Variants in C6orf141 observed in about 807,000 individuals in gnomAD.
The protein encoded by C6orf141 is chromosome 6 open reading frame 141, also known as uncharacterized protein C6orf141.
For missense variants in C6orf141, 361 were observed against 335.8 expected, an observed-to-expected ratio of 1.07 and a Z score of -0.59; for synonymous variants, 164 against 140.5, an observed-to-expected ratio of 1.17 and a Z score of -1.18.
chr6:49,551,095 T>C lies in C6orf141; in HGVS notation c.303T>C (p.Thr101=). The change falls in exon 1 of 1, where the codon ACT becomes ACC. Residue 101 remains threonine, a synonymous_variant. Coordinates refer to ENST00000529246, the MANE Select transcript of C6orf141 (RefSeq NM_001145652.2). ...FLLHPERWLG[T]RGDPAREEVA... is the part of the protein sequence containing the mutation. ...TGCACCCAGAGAGGTGGTTAGGGAC[T>C]CGAGGGGACCCTGCACGGGAAGAGG... 1 of 1,551,604 alleles carries C rather than the reference T, an allele frequency of 6.4e-7. No homozygotes were observed. Among genetic ancestry groups the C allele is most frequent in the Non-Finnish European group, 8.7e-7 (1 of 1,146,964 alleles).
downstream of C6orf141, among the ~76,000 whole-genome samples, chr6:49,554,463 C>T (rs1771363443): frequency 6.6e-6 from 1 of 152,224 alleles, no homozygotes; most frequent in Admixed American, 6.5e-5. Flanking sequence ...TCACTCCAAG[C>T]TCCGCCTCCC....
At chr6:49,552,224 C>G (rs2127271250), downstream of C6orf141, 1 of 152,366 alleles carries the variant, frequency 6.6e-6, no homozygotes, top group South Asian at 2.1e-4. Flanking sequence ...ATTAAAAATA[C>G]TGCATGTAAA....
chr6:49,552,687 A>G (rs899557646), downstream of C6orf141: 2 of 152,244 alleles, frequency 1.3e-5, no homozygotes, highest in South Asian at 4.1e-4. Flanking sequence ...CATCTGATCT[A>G]CCTCTTGCCT....
downstream of C6orf141, chr6:49,555,029 T>C (rs1581902518): frequency 6.6e-6 from 1 of 152,346 alleles, no homozygotes; most frequent in Middle Eastern, 3.4e-3. Flanking sequence ...TCTTTGATCT[T>C]ACCTCTACTC....
Position 49,551,767 on chromosome 6 carries a change from G to T in C6orf141, c.*240G>T. 1 of 1,368,196 alleles carries T rather than the reference G, an allele frequency of 7.3e-7. No individual in the cohort carries two copies. The allele number at this position is 1,368,196 out of a possible 1,614,324, so 84.8% of individuals were successfully genotyped here. ...AAGAGGTGGAGAAAAGATATTTTCA[G>T]ATTGGCAGAATGTGGGAGTTTTGAA... is the stretch of plus-strand genomic sequence containing the variant. On this transcript the variant is annotated 3_prime_UTR_variant, in exon 1 of 1. Transcript: ENST00000529246.
intron 4 of C6orf141, among the ~76,000 whole-genome samples, chr6:49,558,794 G>A (rs959365594): frequency 7.2e-5 from 11 of 151,762 alleles, no homozygotes; most frequent in African/African-American, 1.9e-4. Context: ...TGCAAGCTCC[G>A]CCTCCTGGGT....
At chr6:49,561,475 G>T (rs939077859) in intron 4 of C6orf141, among the ~76,000 whole-genome samples, 11 of 152,134 alleles carry the variant, frequency 7.2e-5, no homozygotes, top group African/African-American at 2.7e-4. Flanking sequence ...TGCACTTCAA[G>T]AACAGATTTA....
Position 49,551,580 on chromosome 6 carries a change from G to T in C6orf141, c.*53G>T. ...GGTGGATGAGCGATCATCCTTAAAA[G>T]AAAATGCTATTCTGGGAGCTCCAAC... On this transcript the variant is annotated 3_prime_UTR_variant, in exon 1 of 1. Transcript: ENST00000529246. The T allele has an allele frequency of 1.3e-6, 2 of 1,536,072 alleles. No homozygotes were observed. Among genetic ancestry groups the T allele is most frequent in the Non-Finnish European group, 1.7e-6 (2 of 1,143,302 alleles).
downstream of C6orf141, among the ~76,000 whole-genome samples, chr6:49,554,634 G>A (rs990539147): frequency 1.3e-5 from 2 of 151,968 alleles, no homozygotes; most frequent in East Asian, 3.9e-4. Flanking sequence ...CGCCCGCCTC[G>A]GCCTCCCAAA....
chr6:49,551,148 C>A lies in C6orf141; in HGVS notation c.356C>A (p.Ala119Glu). ...EVAGAEDLPHAGGEDHGEEPN... is the reference protein window; with the variant it reads ...EVAGAEDLPHEGGEDHGEEPN... Reference sequence around the variant, plus strand: ...GCCGGTGCAGAGGACCTTCCTCATGCGGGTGGAGAGGACCACGGCGAGGAG... The same window carrying A: ...GCCGGTGCAGAGGACCTTCCTCATGAGGGTGGAGAGGACCACGGCGAGGAG... Residue 119 changes from alanine to glutamate, a missense_variant, in exon 1 of 1, where the codon GCG becomes GAG. Physicochemically the swap from Ala to Glu is moderately radical, Grantham distance 107 (BLOSUM62 -1). Transcript: ENST00000529246. The A allele has an allele frequency of 6.4e-7, 1 of 1,551,670 alleles. No homozygotes were observed. Among genetic ancestry groups the A allele is most frequent in the Non-Finnish European group, 8.7e-7 (1 of 1,146,982 alleles).
downstream of C6orf141, among the ~76,000 whole-genome samples, chr6:49,555,816 G>A (rs564662609): frequency 3.5e-4 from 54 of 152,246 alleles, no homozygotes; most frequent in African/African-American, 1.2e-3. Flanking sequence ...GGCGTGCCCA[G>A]GCTAGTATTA....
chr6:49,557,469 A>G (rs1772184088), intron 4 of C6orf141, among the ~76,000 whole-genome samples: 1 of 152,156 alleles, frequency 6.6e-6, no homozygotes, highest in African/African-American at 2.4e-5. Context: ...CCTCAGCTTG[A>G]CTAAATTTCA....
Position 49,551,676 on chromosome 6 carries a change from G to C in C6orf141, c.*149G>C. On this transcript the variant is annotated 3_prime_UTR_variant, in exon 1 of 1. Transcript: ENST00000529246. ...GCTTCGGGGAGGCAGATTAAGAACT[G>C]TAAGCAGCATAATACCTCCTTTGTG... is the stretch of plus-strand genomic sequence containing the variant. 1 of 1,461,968 alleles carries C rather than the reference G, an allele frequency of 6.8e-7. No homozygotes were observed. Among genetic ancestry groups the C allele is most frequent in the Non-Finnish European group, 9.0e-7 (1 of 1,109,450 alleles). 90.6% of individuals were successfully genotyped at this position (1,461,968 alleles called of 1,614,324 possible). A position where few individuals can be genotyped will look rare whatever the true frequency, so the allele number is the denominator to read the frequency against.
Position 49,550,729 on chromosome 6 carries a change from G to A in C6orf141, c.-64G>A. 1 of 1,366,668 alleles carries A rather than the reference G, an allele frequency of 7.3e-7. No individual in the cohort carries two copies. Among genetic ancestry groups the A allele is most frequent in the Non-Finnish European group, 9.7e-7 (1 of 1,034,560 alleles). The allele number at this position is 1,366,668 out of a possible 1,614,324, so 84.7% of individuals were successfully genotyped here. A position where few individuals can be genotyped will look rare whatever the true frequency, so the allele number is the denominator to read the frequency against. ...CAGCAGAGGCCACACCCAGGGCTTG[G>A]TGGTCCCGCGCTTTCCGGAGCTCAG... On this transcript the variant is annotated 5_prime_UTR_variant, in exon 1 of 1. In the 5' UTR this introduces an upstream ATG that the reference lacks. Coordinates refer to ENST00000529246, the MANE Select transcript of C6orf141 (RefSeq NM_001145652.2).
At chr6:49,554,715 C>A (rs1245011877), downstream of C6orf141, among the ~76,000 whole-genome samples, 1 of 151,690 alleles carries the variant, frequency 6.6e-6, no homozygotes, top group Non-Finnish European at 1.5e-5. Context: ...TTTTTTTTTC[C>A]TTTTCTCACT....
intron 4 of C6orf141, among the ~76,000 whole-genome samples, chr6:49,558,494 TTTTGACTTC>T (rs1161003992): frequency 1.3e-5 from 2 of 151,928 alleles, no homozygotes; most frequent in African/African-American, 2.4e-5. Context: ...AGAGGCTGTG[TTTTGACTTC>T]CCAGGTTGTG....
chr6:49,559,780 C>A (rs1772901537), intron 4 of C6orf141, among the ~76,000 whole-genome samples: 1 of 152,058 alleles, frequency 6.6e-6, no homozygotes. Context: ...TAAGGGGTAC[C>A]ACATAATTTT....
At position 49,552,045 on chromosome 6, in the gene C6orf141, C is replaced by T; in HGVS notation, c.*518C>T. 1 of 657,320 alleles carries T rather than the reference C, an allele frequency of 1.5e-6. No individual in the cohort carries two copies. Among genetic ancestry groups the T allele is most frequent in the Admixed American group, 6.3e-5 (1 of 15,900 alleles). The allele number at this position is 657,320 out of a possible 1,614,324, so 40.7% of individuals were successfully genotyped here. A position where few individuals can be genotyped will look rare whatever the true frequency, so the allele number is the denominator to read the frequency against. ...CTTCTGATGTGCACTTTTCATTTTTCTCCCCCACATTTCAGTGTTAGAAAG... is the reference window on the plus strand; with the variant it reads ...CTTCTGATGTGCACTTTTCATTTTTTTCCCCCACATTTCAGTGTTAGAAAG... On this transcript the variant is annotated 3_prime_UTR_variant, in exon 1 of 1. Coordinates refer to ENST00000529246, the MANE Select transcript of C6orf141 (RefSeq NM_001145652.2).
intron 4 of C6orf141, chr6:49,561,025 C>CAT (rs1773207220): frequency 4.4e-5 from 5 of 113,714 alleles, no homozygotes; most frequent in African/African-American, 9.3e-5. Flanking sequence ...TCTCCATCAC[C>CAT]GTCTCTCTCT....
Sources: gnomAD v4.1 joint callset for allele counts (sites outside exome capture counted in the v4.1 genomes callset) on GRCh38, gnomAD v4.1.1 for gene constraint, MANE v1.5 for transcripts, NCBI Gene and HGNC (gene_info 2026-07-23, HGNC 2026-07-21) for gene names.